Variants in MXI1 observed in about 807,000 individuals in gnomAD.
MXI1 encodes MAX interactor 1, dimerization protein.
Under a neutral mutation model 36.9 loss-of-function variants are expected in MXI1, and 18 were observed. That is an observed-to-expected ratio of 0.49 (90% CI 0.34 to 0.72). MXI1 has a LOEUF of 0.72. Ranked by LOEUF, MXI1 falls within the 30% of genes least tolerant of loss-of-function variation. The probability of loss-of-function intolerance (pLI) is 0.01; values close to 1 mark genes in which losing one functional copy is unlikely to be tolerated. For synonymous variants in MXI1, 160 were observed against 146.7 expected (o/e 1.09, Z -0.65); for missense variants, 304 against 379.1 (o/e 0.80, Z 1.64).
chr10:110,258,774 G>T (rs866420345), intron 3 of MXI1, among the ~76,000 whole-genome samples: 1 of 152,144 alleles, frequency 6.6e-6, no homozygotes, highest in Non-Finnish European at 1.5e-5. Flanking sequence ...CTAAAATGCA[G>T]TCTGTACAAT....
chr10:110,227,595 A>C, intron 1 of MXI1: 1 of 937,194 alleles, frequency 1.1e-6, no homozygotes, highest in Non-Finnish European at 1.3e-6. Flanking sequence ...GGGTCAGGGG[A>C]AGGGACGAGG....
rs113482843 is a variant in MXI1, at chr10:110,227,437, C to T, written c.275-752C>T. On this transcript the variant is annotated intron_variant, in intron 1 of 5. Transcript: ENST00000332674. ...CACGGAGGGTGGGGCTGTGGGTGTGCGGCGAGCGGGAAGGAGACGGGTGGA... is the reference window on the plus strand; with the variant it reads ...CACGGAGGGTGGGGCTGTGGGTGTGTGGCGAGCGGGAAGGAGACGGGTGGA... The T allele has an allele frequency of 0.02, 19,894 of 986,934 alleles. 2,576 individuals carry two copies. The African/African-American group carries it at 0.3, about 15-fold the overall frequency. 61.1% of individuals were successfully genotyped at this position (986,934 alleles called of 1,614,324 possible).
chr10:110,254,071 T>C (rs1411677924), intron 3 of MXI1, among the ~76,000 whole-genome samples: 1 of 152,080 alleles, frequency 6.6e-6, no homozygotes, highest in Admixed American at 6.5e-5. Flanking sequence ...CTTGCAGATA[T>C]CATGATCTTA....
intron 3 of MXI1, 98 bp from the exon 4 acceptor site, chr10:110,279,082 C>T (rs777620804): frequency 2.2e-6 from 2 of 906,374 alleles, no homozygotes; most frequent in East Asian, 2.6e-5. Flanking sequence ...ATCCTATAGG[C>T]TGAATAAATG....
chr10:110,223,796 G>T (rs917865153), intron 1 of MXI1, among the ~76,000 whole-genome samples: 1 of 147,400 alleles, frequency 6.8e-6, no homozygotes, highest in African/African-American at 2.5e-5. Flanking sequence ...AGAGCTAAAA[G>T]AACAGTCCCT....
chr10:110,208,420 C>CTTTT (rs769093791), intron 1 of MXI1: 6 of 133,900 alleles, frequency 4.5e-5, no homozygotes, highest in South Asian at 2.1e-4. Flanking sequence ...GCTTTTCTTC[C>CTTTT]TTTTTTTTTT....
chr10:110,253,004 C>T (rs1856153790), intron 3 of MXI1, among the ~76,000 whole-genome samples: 1 of 151,972 alleles, frequency 6.6e-6, no homozygotes, highest in African/African-American at 2.4e-5. Context: ...CTTTAGGATA[C>T]CATACAGTGC....
chr10:110,222,177 C>A (rs12414179), intron 1 of MXI1, among the ~76,000 whole-genome samples: 13,424 of 152,208 alleles, frequency 0.088, 1,104 homozygotes, highest in East Asian at 0.29. Context: ...AAATGTATAA[C>A]TGTTAACGGT....
Position 110,285,040 on chromosome 10 carries a change from T to C in MXI1, c.*53T>C, listed in dbSNP as rs879104332. The C allele has an allele frequency of 6.6e-7, 1 of 1,506,024 alleles. No homozygotes were observed. Among genetic ancestry groups the C allele is most frequent in the African/African-American group, 1.4e-5 (1 of 71,218 alleles). The allele number at this position is 1,506,024 out of a possible 1,614,324, so 93.3% of individuals were successfully genotyped here. A position where few individuals can be genotyped will look rare whatever the true frequency, so the allele number is the denominator to read the frequency against. ...CAAAATATTCACTGGGCCAATTCAA[T>C]ACAAACAATCTCTTAAATTGGGTTC... On this transcript the variant is annotated 3_prime_UTR_variant, in exon 6 of 6. Transcript: ENST00000332674.
intron 3 of MXI1, among the ~76,000 whole-genome samples, chr10:110,254,044 A>C (rs1359913014): frequency 3.3e-5 from 5 of 152,104 alleles, no homozygotes; most frequent in Non-Finnish European, 2.9e-5. Flanking sequence ...GGAAAGAAAG[A>C]AGTAAAACCA....
At chr10:110,215,039 T>G (rs1256872372) in intron 1 of MXI1, among the ~76,000 whole-genome samples, 1 of 76,904 alleles carries the variant, frequency 1.3e-5, no homozygotes, top group Non-Finnish European at 2.3e-5. Flanking sequence ...CAGTTTTTTT[T>G]TTTGTTTTTT....
chr10:110,238,219 C>A (rs569985397), intron 2 of MXI1, among the ~76,000 whole-genome samples: 13 of 152,150 alleles, frequency 8.5e-5, no homozygotes, highest in Non-Finnish European at 1.9e-4. Context: ...GTACTTCTCT[C>A]CCCTGTGTTG....
At chr10:110,240,974 CTGTACCATTTCG>C (rs1165343806) in intron 2 of MXI1, among the ~76,000 whole-genome samples, 1 of 151,918 alleles carries the variant, frequency 6.6e-6, no homozygotes, top group Non-Finnish European at 1.5e-5. Context: ...TTGAGCCAAA[CTGTACCATTTCG>C]TATAGTTTCA....
intron 1 of MXI1, among the ~76,000 whole-genome samples, chr10:110,208,911 TTTTC>T (rs1040320337): frequency 6.6e-6 from 1 of 152,084 alleles, no homozygotes; most frequent in African/African-American, 2.4e-5. Flanking sequence ...GTTCTGTGCT[TTTTC>T]TTTATTTTCC....
intron 2 of MXI1, among the ~76,000 whole-genome samples, chr10:110,236,370 T>C (rs1855479582): frequency 6.6e-6 from 1 of 152,136 alleles, no homozygotes; most frequent in African/African-American, 2.4e-5. Flanking sequence ...CAAAAAGTTA[T>C]GAAATCAGGT....
intron 3 of MXI1, among the ~76,000 whole-genome samples, chr10:110,269,227 G>T (rs551137894): frequency 6.6e-6 from 1 of 152,306 alleles, no homozygotes; most frequent in African/African-American, 2.4e-5. Flanking sequence ...TACAAATTAT[G>T]AATATTCGCC....
At chr10:110,250,485 T>G (rs907888997) in intron 3 of MXI1, among the ~76,000 whole-genome samples, 2 of 152,164 alleles carry the variant, frequency 1.3e-5, no homozygotes, top group African/African-American at 4.8e-5. Context: ...TTAGATTGCC[T>G]CATTGTTTTT....
chr10:110,249,450 A>G (rs1220231338), intron 3 of MXI1, among the ~76,000 whole-genome samples: 1 of 151,968 alleles, frequency 6.6e-6, no homozygotes, highest in East Asian at 1.9e-4. Context: ...ATGGTGGTGC[A>G]TCCTTGTAAT....
At chr10:110,249,629 A>AAACT (rs1180298808) in intron 3 of MXI1, among the ~76,000 whole-genome samples, 3 of 152,084 alleles carry the variant, frequency 2.0e-5, no homozygotes, top group Admixed American at 6.6e-5. Context: ...CTGAAAAATG[A>AAACT]AACTCACTAG....
Sources: gnomAD v4.1 joint callset for allele counts (sites outside exome capture counted in the v4.1 genomes callset) on GRCh38, gnomAD v4.1.1 for gene constraint, MANE v1.5 for transcripts, NCBI Gene and HGNC (gene_info 2026-07-23, HGNC 2026-07-21) for gene names.